The following MGAM2 variants were observed in gnomAD, a reference collection of about 807,000 sequenced individuals.
The protein encoded by MGAM2 is probable maltase-glucoamylase 2.
In MGAM2, 98 loss-of-function variants were observed where a neutral mutation model predicts 96.1. That is an observed-to-expected ratio of 1.02 (90% CI 0.87 to 1.21). The LOEUF (loss-of-function observed/expected upper bound fraction) is 1.21, where lower values mean the gene tolerates loss of function less well. MGAM2 is among the 50% of genes most tolerant of loss of function. The pLI is 0.00. For missense variants in MGAM2, 2,055 were observed against 1,182.4 expected (o/e 1.74, Z -10.82); for synonymous variants, 749 against 414.8 (o/e 1.81, Z -9.79).
At chr7:142,124,067 G>A (rs944742246) in intron 3 of MGAM2, among the ~76,000 whole-genome samples, 5 of 143,796 alleles carry the variant, frequency 3.5e-5, no homozygotes, top group African/African-American at 1.4e-4. Flanking sequence ...CCACCTCCCA[G>A]GTTCAGGTGA....
intron 32 of MGAM2, among the ~76,000 whole-genome samples, chr7:142,178,516 G>A (rs1469154206): frequency 6.6e-6 from 1 of 152,082 alleles, no homozygotes; most frequent in Non-Finnish European, 1.5e-5. Context: ...AATCTATCTT[G>A]AGTTAATTTT....
At chr7:142,134,443 G>A (rs1794995367) in intron 7 of MGAM2, among the ~76,000 whole-genome samples, 1 of 152,102 alleles carries the variant, frequency 6.6e-6, no homozygotes, top group South Asian at 2.1e-4. Context: ...ATATACTTCT[G>A]CCAAATTACT....
chr7:142,151,005 G>A (rs1795565132), intron 15 of MGAM2, among the ~76,000 whole-genome samples: 1 of 152,152 alleles, frequency 6.6e-6, no homozygotes, highest in Admixed American at 6.5e-5. Flanking sequence ...TTTCCTGACA[G>A]TTCTAGGAAA....
intron 43 of MGAM2, 28 bp downstream of exon 43, chr7:142,198,223 C>A (rs4260813): frequency 0.43 from 301,824 of 699,796 alleles, 66,962 homozygotes; most frequent in Admixed American, 0.55. Context: ...TGTGAAGAAC[C>A]AGTTTGGTCT....
At chr7:142,162,070 G>A (rs749905455) in intron 23 of MGAM2, 66 bp downstream of exon 23, 57 of 639,488 alleles carry the variant, frequency 8.9e-5, no homozygotes, top group Non-Finnish European at 8.3e-6. Context: ...TGAGTTTTTA[G>A]TTTAATATAG....
chr7:142,171,551 A>G (rs1253224006), intron 28 of MGAM2, 111 bp downstream of exon 28: 7 of 554,158 alleles, frequency 1.3e-5, no homozygotes, highest in Admixed American at 1.1e-4. Context: ...ATATTGATAA[A>G]TTCCGCTCTC....
rs1038932026 is a variant in MGAM2 at position 142,186,082 on chromosome 7, C to G, written c.4081C>G (p.Arg1361Gly). 2.0e-5 allele frequency: 14 copies of G among 705,566 alleles called. No individual in the cohort carries two copies. The highest frequency in any genetic ancestry group is 1.0e-4 in the Admixed American group (5 of 49,966). The allele number at this position is 705,566 out of a possible 1,614,324, so 43.7% of individuals were successfully genotyped here. A position where few individuals can be genotyped will look rare whatever the true frequency, so the allele number is the denominator to read the frequency against. ...GATAGAAGAGCTCTATGCAAACCCT[C>G]GAGAGCCAGAGAAGAGCTTGAAGTT... ...KEIEELYANP[R>G]EPEKSLKFDG... The change falls in exon 35 of 48, where the codon CGA becomes GGA. Residue 1361 changes from arginine to glycine, a missense_variant. Transcript: ENST00000477922.
intron 3 of MGAM2, among the ~76,000 whole-genome samples, chr7:142,122,565 T>C (rs1459145777): frequency 6.6e-6 from 1 of 152,250 alleles, no homozygotes; most frequent in Non-Finnish European, 1.5e-5. Context: ...ATATGATTTA[T>C]CTCCACCTTA....
At position 142,134,139 on chromosome 7, in the gene MGAM2, C is replaced by A. The variant is rs1446545472; in HGVS notation, c.734C>A (p.Ala245Asp). 2 of 747,322 alleles carry A rather than the reference C, an allele frequency of 2.7e-6. No homozygotes were observed. Among genetic ancestry groups the A allele is most frequent in the South Asian group, 1.4e-5 (1 of 71,772 alleles). 46.3% of individuals were successfully genotyped at this position (747,322 alleles called of 1,614,324 possible). The change falls in exon 7 of 48, where the codon GCT (alanine) becomes GAT (aspartate). Residue 245 changes from alanine (A) to aspartate (D), a missense_variant. By Grantham distance (126) the Ala-to-Asp change is moderately radical. Coordinates refer to ENST00000477922, the MANE Select transcript of MGAM2 (RefSeq NM_001293626.2). ...ACTTGGCCCATCTTCACCCGGGACG[C>A]TACCCCCACCGAGGTGAGGTGGCTT... The part of the protein sequence containing the change: ...WKTWPIFTRD[A>D]TPTEGMINLY...
intron 37 of MGAM2, among the ~76,000 whole-genome samples, chr7:142,189,974 T>A (rs1444507771): frequency 6.6e-6 from 1 of 152,202 alleles, no homozygotes; most frequent in Non-Finnish European, 1.5e-5. Flanking sequence ...ATTATCTATG[T>A]TGTAGCATGT....
At chr7:142,116,269 C>A (rs554819886) in intron 1 of MGAM2, among the ~76,000 whole-genome samples, 1 of 152,118 alleles carries the variant, frequency 6.6e-6, no homozygotes, top group Non-Finnish European at 1.5e-5. Context: ...AAATGATCTT[C>A]GGGGTTACTG....
chr7:142,200,990 TTATG>T (rs10596095), intron 45 of MGAM2, among the ~76,000 whole-genome samples: 106,152 of 149,518 alleles, frequency 0.71, 37,771 homozygotes, highest in Admixed American at 0.74. Flanking sequence ...ATAAATACCA[TTATG>T]TATGATGATC....
chr7:142,129,774 G>T (rs1354048854), intron 3 of MGAM2, among the ~76,000 whole-genome samples: 2 of 121,646 alleles, frequency 1.6e-5, no homozygotes, highest in African/African-American at 6.5e-5. Flanking sequence ...ACAGTGAGCC[G>T]AGACTGCACC....
chr7:142,197,075 T>C (rs1797066449), intron 40 of MGAM2, among the ~76,000 whole-genome samples: 1 of 152,176 alleles, frequency 6.6e-6, no homozygotes, highest in African/African-American at 2.4e-5. Flanking sequence ...TGAAAGAAGA[T>C]CCCTTTGCTT....
At chr7:142,114,393 C>T (rs1817316347) in intron 1 of MGAM2, among the ~76,000 whole-genome samples, 3 of 151,836 alleles carry the variant, frequency 2.0e-5, no homozygotes, top group Non-Finnish European at 1.5e-5. Flanking sequence ...CTAGTAACCT[C>T]GGTGGGAGCA....
At chr7:142,189,570 T>C (rs1796805638) in intron 37 of MGAM2, 65 bp downstream of exon 37, 1 of 611,420 alleles carries the variant, frequency 1.6e-6, no homozygotes, top group South Asian at 2.0e-5. Flanking sequence ...CCATTTCATA[T>C]TTGCATTGTG....
chr7:142,138,762 C>A, intron 10 of MGAM2, 95 bp downstream of exon 10: 1 of 621,590 alleles, frequency 1.6e-6, no homozygotes, highest in Admixed American at 2.5e-5. Context: ...GTAGATAAAT[C>A]ATTAGATTGA....
At chr7:142,165,045 C>A (rs1483763565) in intron 24 of MGAM2, 22 bp downstream of exon 24, 4 of 682,092 alleles carry the variant, frequency 5.9e-6, no homozygotes. Flanking sequence ...TTCCATTCTG[C>A]AGGGCCCTTT....
At chr7:142,112,575 C>T (rs1817210291) in intron 1 of MGAM2, among the ~76,000 whole-genome samples, 1 of 152,132 alleles carries the variant, frequency 6.6e-6, no homozygotes, top group African/African-American at 2.4e-5. Flanking sequence ...CTTTCTCTAC[C>T]TGAAATTCCA....
Sources: gnomAD v4.1 joint callset for allele counts (sites outside exome capture counted in the v4.1 genomes callset) on GRCh38, gnomAD v4.1.1 for gene constraint, MANE v1.5 for transcripts, NCBI Gene and HGNC (gene_info 2026-07-23, HGNC 2026-07-21) for gene names.